The following SPATA13 variants were observed in gnomAD, a reference collection of about 807,000 sequenced individuals.
The protein encoded by SPATA13 is spermatogenesis associated 13.
A neutral mutation model predicts 104.0 loss-of-function variants in SPATA13; 50 were observed. The observed-to-expected ratio is 0.48, with a 90% CI of 0.38 to 0.61. The LOEUF (loss-of-function observed/expected upper bound fraction) is 0.61, where lower values mean the gene tolerates loss of function less well. Among genes scored for constraint, SPATA13 ranks in the 20% least tolerant of loss-of-function variants. SPATA13 has a pLI of 0.00. For synonymous variants in SPATA13, 606 were observed against 667.5 expected, an observed-to-expected ratio of 0.91 and a Z score of 1.42; for missense variants, 1,524 against 1,690.6, an observed-to-expected ratio of 0.90 and a Z score of 1.73.
chr13:24,044,137 G>A (rs1295797762), intron 3 of SPATA13, among the ~76,000 whole-genome samples: 3 of 152,214 alleles, frequency 2.0e-5, no homozygotes, highest in East Asian at 3.8e-4. Flanking sequence ...GCCTGAGCCT[G>A]GCCCGGGGCT....
chr13:24,169,802 T>C (rs1156711101), intron 1 of SPATA13, among the ~76,000 whole-genome samples: 2 of 152,206 alleles, frequency 1.3e-5, no homozygotes, highest in African/African-American at 4.8e-5. Context: ...AGGTTTCAGG[T>C]GGCTCAGTGA....
chr13:24,005,382 A>G (rs576750630), intron 2 of SPATA13, among the ~76,000 whole-genome samples: 1 of 152,324 alleles, frequency 6.6e-6, no homozygotes, highest in Non-Finnish European at 1.5e-5. Context: ...TGCTTCTTAG[A>G]CCACAGAAGC....
At chr13:24,020,079 C>T (rs896364344) in intron 3 of SPATA13, among the ~76,000 whole-genome samples, 1 of 152,176 alleles carries the variant, frequency 6.6e-6, no homozygotes, top group South Asian at 2.1e-4. Context: ...CCTCAGAGCA[C>T]CAAGCCTCAC....
chr13:24,226,494 T>C (rs1871948554), intron 2 of SPATA13, among the ~76,000 whole-genome samples: 1 of 152,252 alleles, frequency 6.6e-6, no homozygotes, highest in Non-Finnish European at 1.5e-5. Context: ...TTTTTTCATA[T>C]TCTATCAAAC....
chr13:24,169,838 C>T (rs1162891787), intron 1 of SPATA13, among the ~76,000 whole-genome samples: 1 of 152,202 alleles, frequency 6.6e-6, no homozygotes. Context: ...TCCTGCCTGG[C>T]TGCTCTGCCT....
At chr13:24,199,435 A>G (rs1870279328) in intron 1 of SPATA13, among the ~76,000 whole-genome samples, 1 of 152,210 alleles carries the variant, frequency 6.6e-6, no homozygotes. Context: ...TAAACTTCTG[A>G]TCCTTCTTCC....
chr13:24,085,342 G>A (rs1321378017), intron 3 of SPATA13, among the ~76,000 whole-genome samples: 1 of 152,184 alleles, frequency 6.6e-6, no homozygotes, highest in Admixed American at 6.5e-5. Context: ...AGCCTGGCTA[G>A]TCTCTGATTC....
chr13:24,097,970 A>G (rs75572770), intron 3 of SPATA13, among the ~76,000 whole-genome samples: 2,481 of 152,310 alleles, frequency 0.016, 80 homozygotes, highest in African/African-American at 0.056. Context: ...CTACATGAAA[A>G]CAGAAGGACC....
chr13:24,057,230 C>T (rs529456662), intron 3 of SPATA13, among the ~76,000 whole-genome samples: 21 of 151,538 alleles, frequency 1.4e-4, no homozygotes, highest in African/African-American at 5.1e-4. Flanking sequence ...ATCCCTCCCC[C>T]CTCCCCCCAA....
intron 1 of SPATA13, among the ~76,000 whole-genome samples, chr13:24,162,023 C>T (rs1882518509): frequency 6.6e-6 from 1 of 152,024 alleles, no homozygotes; most frequent in Non-Finnish European, 1.5e-5. Context: ...CTAATGTCCC[C>T]CTCCCCCGTC....
chr13:24,042,707 G>A lies in SPATA13; in HGVS notation c.-112+25006G>A, dbSNP rs1593295393. Among the ~76,000 whole-genome samples the A allele has an allele frequency of 3.9e-5, 6 of 152,106 alleles. No homozygotes were observed. The South Asian group carries it at 1.0e-3, about 26-fold the overall frequency. Reference sequence around the variant, plus strand: ...AATGCATTGTGCATGCATATAATTGGGAGAGCTTGATAAAGACAGAAATCC... The same window carrying A: ...AATGCATTGTGCATGCATATAATTGAGAGAGCTTGATAAAGACAGAAATCC... On this transcript the variant is annotated intron_variant, in intron 3 of 14. Coordinates refer to the SPATA13 transcript ENST00000424834.
chr13:24,244,448 A>G (rs962464998), intron 2 of SPATA13, among the ~76,000 whole-genome samples: 2 of 152,210 alleles, frequency 1.3e-5, no homozygotes, highest in Non-Finnish European at 2.9e-5. Context: ...GTTTCAGAAA[A>G]CATTTTAAAA....
chr13:24,046,891 G>A (rs144404522), intron 3 of SPATA13, among the ~76,000 whole-genome samples: 9 of 152,066 alleles, frequency 5.9e-5, no homozygotes, highest in Non-Finnish European at 7.3e-5. Flanking sequence ...CTGAGACAGC[G>A]GTATTGCAGT....
At chr13:24,030,082 A>G (rs1304189622) in intron 3 of SPATA13, among the ~76,000 whole-genome samples, 1 of 151,002 alleles carries the variant, frequency 6.6e-6, no homozygotes, top group Non-Finnish European at 1.5e-5. Context: ...ACACACACAC[A>G]CACACACATA....
intron 3 of SPATA13, among the ~76,000 whole-genome samples, chr13:24,058,791 G>T (rs996781172): frequency 3.3e-5 from 5 of 151,762 alleles, no homozygotes; most frequent in African/African-American, 1.2e-4. Flanking sequence ...AACCTGTCAG[G>T]TAGCAAGATT....
chr13:24,066,393 G>T lies in SPATA13; in HGVS notation c.-112+48692G>T, dbSNP rs546727510. Among the ~76,000 whole-genome samples the T allele has an allele frequency of 1.5e-4, 23 of 152,274 alleles. No homozygotes were observed. In the East Asian group the frequency reaches 4.1e-3, roughly 27 times the overall value. ...GGGAAACTGAGACTCAGAGTTTAAA[G>T]GATTTGCCCAAAGTCATACGGCCCG... is the stretch of plus-strand genomic sequence containing the variant. On this transcript the variant is annotated intron_variant, in intron 3 of 14. Coordinates refer to the SPATA13 transcript ENST00000424834.
Position 24,004,903 on chromosome 13 carries a change from C to T in SPATA13, c.-146-12764C>T, listed in dbSNP as rs567107199. 2.6e-5 allele frequency among the ~76,000 whole-genome samples: 4 copies of T among 152,302 alleles called. No homozygotes were observed. In the South Asian group the frequency reaches 8.3e-4, roughly 32 times the overall value. On this transcript the variant is annotated intron_variant, in intron 2 of 14. Transcript: ENST00000424834. ...ATTTGCAGTGAAAGCTTAAATTGCA[C>T]ATCTTGGCTTTAGCTGTCCTATTAT...
chr13:24,070,636 G>C (rs901344980), intron 3 of SPATA13, among the ~76,000 whole-genome samples: 10 of 152,340 alleles, frequency 6.6e-5, no homozygotes, highest in African/African-American at 2.4e-4. Context: ...GTTTCTGTCA[G>C]AATGATTTTG....
rs117574889 is a variant in SPATA13 at position 24,303,006 on chromosome 13, G to A, written c.*233G>A. 240 of 577,724 alleles carry A rather than the reference G, an allele frequency of 4.2e-4. No individual in the cohort carries two copies. Among genetic ancestry groups the A allele is most frequent in the Non-Finnish European group, 6.5e-4 (211 of 324,816 alleles). The allele number at this position is 577,724 out of a possible 1,614,324, so 35.8% of individuals were successfully genotyped here. A position where few individuals can be genotyped will look rare whatever the true frequency, so the allele number is the denominator to read the frequency against. On this transcript the variant is annotated 3_prime_UTR_variant, in exon 13 of 13. Transcript: ENST00000382108. ...AGCTTTATCCTACACAGAAACACCC[G>A]TGACCCACTATGAGATGGCCCAGAT... is the stretch of plus-strand genomic sequence containing the variant.
Sources: gnomAD v4.1 joint callset for allele counts (sites outside exome capture counted in the v4.1 genomes callset) on GRCh38, gnomAD v4.1.1 for gene constraint, MANE v1.5 for transcripts, NCBI Gene and HGNC (gene_info 2026-07-23, HGNC 2026-07-21) for gene names.